The following IQCH variants were observed in gnomAD, a reference collection of about 807,000 sequenced individuals.
IQCH encodes the protein IQ motif containing H, also known as IQ domain-containing protein H.
A neutral mutation model predicts 117.0 loss-of-function variants in IQCH; 98 were observed. That is an observed-to-expected ratio of 0.84 (90% CI 0.71 to 0.99). IQCH has a LOEUF of 0.99. IQCH is among the 50% of genes least tolerant of loss of function. IQCH has a pLI of 0.00. For missense variants in IQCH, 1,102 were observed against 1,243.8 expected, an observed-to-expected ratio of 0.89 and a Z score of 1.72; for synonymous variants, 412 against 448.2, an observed-to-expected ratio of 0.92 and a Z score of 1.02.
At chr15:67,350,490 G>C (rs565344236) in intron 6 of IQCH, among the ~76,000 whole-genome samples, 9 of 152,170 alleles carry the variant, frequency 5.9e-5, no homozygotes, top group African/African-American at 2.2e-4. Flanking sequence ...GCAGTGGTGT[G>C]ATCTCGGTTC....
At chr15:67,451,060 G>A (rs1001781409) in intron 16 of IQCH, among the ~76,000 whole-genome samples, 52 of 152,128 alleles carry the variant, frequency 3.4e-4, no homozygotes, top group African/African-American at 1.1e-3. Context: ...CTGTGGGATC[G>A]GTGGTGATAT....
At position 67,411,420 on chromosome 15, in the gene IQCH, T is replaced by C. The variant is rs1462687675; in HGVS notation, c.2098-5511T>C. Reference sequence around the variant, plus strand: ...TCAACACTGACAGTCTTGCTTACTTTTTCAGGTCATTGTCTTGCCCTTTTC... The same window carrying C: ...TCAACACTGACAGTCTTGCTTACTTCTTCAGGTCATTGTCTTGCCCTTTTC... On this transcript the variant is annotated intron_variant, in intron 14 of 20. Coordinates refer to ENST00000335894, the MANE Select transcript of IQCH (RefSeq NM_001031715.3). This position sits in a 1 kb window ranked among gnomAD's most constrained non-coding sequence, Gnocchi z 4.4. Among the ~76,000 whole-genome samples the C allele has an allele frequency of 1.3e-5, 2 of 152,200 alleles. No homozygotes were observed. Among genetic ancestry groups the C allele is most frequent in the African/African-American group, 4.8e-5 (2 of 41,468 alleles).
intron 10 of IQCH, among the ~76,000 whole-genome samples, chr15:67,378,197 G>A (rs78297923): frequency 0.016 from 2,444 of 151,952 alleles, 33 homozygotes; most frequent in Middle Eastern, 0.058. Flanking sequence ...GGCAGCCAAC[G>A]GCGTTAGATC....
intron 16 of IQCH, among the ~76,000 whole-genome samples, chr15:67,446,559 A>G (rs2082396337): frequency 6.6e-6 from 1 of 152,204 alleles, no homozygotes; most frequent in Admixed American, 6.5e-5. Flanking sequence ...GGTGGAGCTC[A>G]GCAGAGCAGA....
rs1270186329 is a variant in IQCH at position 67,472,030 on chromosome 15, T to A, written c.2677-3666T>A. ...AGAGAGAGAGATGTTGCTATTAAAA[T>A]AGATAACATACACATGGATAAATGC... On this transcript the variant is annotated intron_variant, in intron 17 of 20. Transcript: ENST00000335894. This position sits in a 1 kb window ranked among gnomAD's most constrained non-coding sequence, Gnocchi z 4.3. 2.0e-5 allele frequency among the ~76,000 whole-genome samples: 3 copies of A among 152,188 alleles called. No homozygotes were observed. Among genetic ancestry groups the A allele is most frequent in the Non-Finnish European group, 4.4e-5 (3 of 68,030 alleles).
intron 14 of IQCH, among the ~76,000 whole-genome samples, chr15:67,415,034 T>A (rs1690895175): frequency 6.6e-6 from 1 of 152,170 alleles, no homozygotes; most frequent in African/African-American, 2.4e-5. Context: ...AGACAGTTGG[T>A]CTTCCTTGAT....
intron 3 of IQCH, among the ~76,000 whole-genome samples, chr15:67,275,141 G>T (rs1480406635): frequency 6.6e-6 from 1 of 152,186 alleles, no homozygotes; most frequent in Non-Finnish European, 1.5e-5. Flanking sequence ...TGTCCTCAGG[G>T]ATATTTGTCC....
rs1971750728 is a variant in IQCH at position 67,403,399 on chromosome 15, T to C, written c.2097+3094T>C. On this transcript the variant is annotated intron_variant, in intron 14 of 20. Transcript: ENST00000335894. The surrounding 1 kb of genome is among the most constrained non-coding windows in gnomAD (Gnocchi z 4.8). ...TTAAAAAAAAATCAGTAGAGACATG[T>C]AGGTGATTTTTAGGAAAAGCAGAAT... Among the ~76,000 whole-genome samples, 1 of 152,058 alleles carries C rather than the reference T, an allele frequency of 6.6e-6. No homozygotes were observed. Among genetic ancestry groups the C allele is most frequent in the Non-Finnish European group, 1.5e-5 (1 of 68,020 alleles).
chr15:67,488,134 A>G (rs4776362), intron 18 of IQCH, among the ~76,000 whole-genome samples: 130,882 of 152,128 alleles, frequency 0.86, 56,359 homozygotes, highest in Middle Eastern at 0.9. Flanking sequence ...GCAACAAGGC[A>G]AAACCCTATC....
intron 4 of IQCH, among the ~76,000 whole-genome samples, chr15:67,296,532 C>G (rs1477760789): frequency 6.6e-6 from 1 of 152,014 alleles, no homozygotes. Flanking sequence ...GGCAGGCCAT[C>G]ATGCAGAAGA....
Position 67,283,449 on chromosome 15 carries a change from A to G in IQCH, c.387+3937A>G, listed in dbSNP as rs1025825711. Among the ~76,000 whole-genome samples, 11 of 152,284 alleles carry G rather than the reference A, an allele frequency of 7.2e-5. No homozygotes were observed. The East Asian group carries it at 7.7e-4, about 11-fold the overall frequency. ...CTATATATGAAGTTATGTTCATACA[A>G]TTATTCACATAAAATATATGCTATT... is the stretch of plus-strand genomic sequence containing the variant. On this transcript the variant is annotated intron_variant, in intron 4 of 20. Coordinates refer to ENST00000335894, the MANE Select transcript of IQCH (RefSeq NM_001031715.3).
intron 17 of IQCH, among the ~76,000 whole-genome samples, chr15:67,468,070 G>A (rs1049095788): frequency 2.0e-5 from 3 of 152,098 alleles, no homozygotes; most frequent in Admixed American, 6.6e-5. Flanking sequence ...AATCCCAGAC[G>A]TGCGTGTTTT....
intron 4 of IQCH, among the ~76,000 whole-genome samples, chr15:67,323,000 A>G (rs1596179468): frequency 6.6e-6 from 1 of 152,324 alleles, no homozygotes; most frequent in African/African-American, 2.4e-5. Flanking sequence ...AGTGGGTTCA[A>G]TCAGAGGAAA....
At position 67,496,881 on chromosome 15, in the gene IQCH, G is replaced by A. The variant is rs1450706436; in HGVS notation, c.2970+2515G>A. ...AAAATACAAAAAATTAGCCGGGCAC[G>A]GTGGCGGGCGCCTGTAGTCCCAGCT... On this transcript the variant is annotated intron_variant, in intron 20 of 20. Coordinates refer to ENST00000335894, the MANE Select transcript of IQCH (RefSeq NM_001031715.3). This position sits in a 1 kb window ranked among gnomAD's most constrained non-coding sequence, Gnocchi z 4.4. Among the ~76,000 whole-genome samples the A allele has an allele frequency of 2.7e-5, 4 of 150,932 alleles. No homozygotes were observed. Among genetic ancestry groups the A allele is most frequent in the South Asian group, 2.1e-4 (1 of 4,762 alleles).
intron 12 of IQCH, among the ~76,000 whole-genome samples, chr15:67,392,907 C>T (rs919664603): frequency 1.3e-5 from 2 of 151,880 alleles, no homozygotes; most frequent in Non-Finnish European, 2.9e-5. Flanking sequence ...TCATGTAAAT[C>T]CTCTTCTCAG....
At chr15:67,434,609 C>T (rs532334676) in intron 16 of IQCH, among the ~76,000 whole-genome samples, 6 of 152,192 alleles carry the variant, frequency 3.9e-5, no homozygotes, top group Admixed American at 6.5e-5. Context: ...TCTTTGGCTA[C>T]GCACTCAGAA....
At chr15:67,298,204 A>G (rs927556134) in intron 4 of IQCH, among the ~76,000 whole-genome samples, 4 of 151,666 alleles carry the variant, frequency 2.6e-5, no homozygotes, top group Non-Finnish European at 5.9e-5. Flanking sequence ...GCTACTTGGG[A>G]GGCTGAGGCA....
rs371613431 is a variant in IQCH, at chr15:67,420,566, A to T, written c.2219-725A>T. Among the ~76,000 whole-genome samples, 8 of 152,350 alleles carry T rather than the reference A, an allele frequency of 5.3e-5. No homozygotes were observed. In the East Asian group the frequency reaches 9.6e-4, roughly 18 times the overall value. On this transcript the variant is annotated intron_variant, in intron 15 of 20. Transcript: ENST00000335894. ...TAAAAACAGAAGATTGGGGCTATGT[A>T]ATTTTTGTGGACACCACTGAGATAG...
At chr15:67,498,848 C>T (rs1162449587) in intron 20 of IQCH, among the ~76,000 whole-genome samples, 1 of 152,106 alleles carries the variant, frequency 6.6e-6, no homozygotes, top group South Asian at 2.1e-4. Context: ...AAAAGTCAGA[C>T]CACAGAAAGG....
Sources: allele counts gnomAD v4.1 joint callset (sites outside exome capture counted in the v4.1 genomes callset), GRCh38; gene constraint gnomAD v4.1.1; non-coding constraint Gnocchi (gnomAD v3.1); transcripts MANE v1.5; gene names NCBI Gene and HGNC (gene_info 2026-07-23, HGNC 2026-07-21).